Variants in REV1 observed in about 807,000 individuals in gnomAD.
REV1 encodes translesion synthesis protein REV1.
Under a neutral mutation model 137.4 loss-of-function variants are expected in REV1, and 42 were observed. That is an observed-to-expected ratio of 0.31 (90% CI 0.24 to 0.40). The LOEUF (loss-of-function observed/expected upper bound fraction) is 0.40. REV1 is among the 10% of genes least tolerant of loss of function. The pLI, the probability that REV1 is intolerant of heterozygous loss-of-function variation, is 1.00. For missense variants in REV1, 1,282 were observed against 1,490.1 expected (o/e 0.86, Z 2.30); for synonymous variants, 524 against 519.2 (o/e 1.01, Z -0.12).
rs1478369914 is a variant in REV1, at chr2:99,402,726, T to G, written c.3459A>C (p.Arg1153Ser). 1 of 1,613,890 alleles carries G rather than the reference T, an allele frequency of 6.2e-7. No individual in the cohort carries two copies. Among genetic ancestry groups the G allele is most frequent in the Non-Finnish European group, 8.5e-7 (1 of 1,179,958 alleles). ...SLQSDPAGCVRPPAPNLAGAV... is the reference protein window; with the variant it reads ...SLQSDPAGCVSPPAPNLAGAV... ...CTCCAGCTAGATTGGGTGCTGGAGG[T>G]CTCACACAGCCAGCTGGGTCAGACT... Residue 1153 changes from arginine (R) to serine (S), a missense_variant, in exon 21 of 23, where the codon AGA becomes AGC. Physicochemically the swap from Arg to Ser is moderately radical, Grantham distance 110 (BLOSUM62 -1). Around this residue, in one of 7 missense-constraint regions of REV1, gnomAD observed 170 missense variants for 156.8 expected, o/e 1.08. Coordinates refer to ENST00000258428, the MANE Select transcript of REV1 (RefSeq NM_016316.4).
intron 1 of REV1, among the ~76,000 whole-genome samples, chr2:99,466,743 C>T (rs1038455511): frequency 2.0e-5 from 3 of 152,056 alleles, no homozygotes; most frequent in African/African-American, 4.8e-5. Flanking sequence ...CAAGGTGCTC[C>T]GAGAAAAGGT....
intron 1 of REV1, among the ~76,000 whole-genome samples, chr2:99,477,030 G>A (rs1686054156): frequency 6.6e-6 from 1 of 152,046 alleles, no homozygotes. Context: ...CCTAAGGATG[G>A]TGTGGATCCC....
intron 11 of REV1, 125 bp from the exon 12 acceptor site, chr2:99,419,072 C>G (rs142785236): frequency 1.2e-6 from 1 of 814,980 alleles, no homozygotes; most frequent in East Asian, 2.6e-5. Flanking sequence ...TTGATTATTT[C>G]AAATAAGGTG....
chr2:99,471,380 T>C (rs1231909920), intron 1 of REV1, among the ~76,000 whole-genome samples: 2 of 152,110 alleles, frequency 1.3e-5, no homozygotes, highest in Non-Finnish European at 1.5e-5. Flanking sequence ...GAAAACTGGA[T>C]ATCACATGCA....
intron 17 of REV1, 112 bp from the exon 18 acceptor site, chr2:99,404,789 T>A: frequency 1.3e-6 from 1 of 773,892 alleles, no homozygotes; most frequent in Non-Finnish European, 2.1e-6. Flanking sequence ...ATAATCAATG[T>A]AAGGTACAGA....
intron 12 of REV1, 29 bp downstream of exon 12, chr2:99,418,799 A>T (rs768166165): frequency 1.3e-6 from 2 of 1,595,218 alleles, no homozygotes; most frequent in Non-Finnish European, 1.7e-6. Context: ...TGCCTGTAAT[A>T]AAAGTATTGT....
intron 12 of REV1, among the ~76,000 whole-genome samples, chr2:99,413,857 G>A (rs149541873): frequency 6.6e-4 from 100 of 152,286 alleles, no homozygotes; most frequent in African/African-American, 2.3e-3. Context: ...TTGTGTTTCT[G>A]GTCTTCTGTA....
intron 21 of REV1, 60 bp downstream of exon 21, chr2:99,402,584 T>C (rs1307880149): frequency 6.6e-7 from 1 of 1,506,544 alleles, no homozygotes; most frequent in African/African-American, 1.4e-5. Flanking sequence ...CTGTTTATGT[T>C]CTCAAATCAT....
chr2:99,483,034 A>AT (rs57090260), intron 1 of REV1, among the ~76,000 whole-genome samples: 10 of 132,868 alleles, frequency 7.5e-5, no homozygotes, highest in African/African-American at 1.6e-4. Flanking sequence ...AAAAAAAAAA[A>AT]TTTTTTTTTT....
intron 1 of REV1, among the ~76,000 whole-genome samples, chr2:99,479,157 G>A (rs554244393): frequency 1.3e-5 from 2 of 151,674 alleles, no homozygotes; most frequent in African/African-American, 2.4e-5. Flanking sequence ...GTGAAATCCC[G>A]TCTCTACTAA....
intron 9 of REV1, among the ~76,000 whole-genome samples, chr2:99,425,909 G>C (rs563052134): frequency 6.6e-6 from 1 of 152,202 alleles, no homozygotes; most frequent in African/African-American, 2.4e-5. Context: ...GGTGGCGCAT[G>C]CCTGTAATCC....
At chr2:99,462,945 G>A (rs1000147496) in intron 2 of REV1, among the ~76,000 whole-genome samples, 11 of 151,844 alleles carry the variant, frequency 7.2e-5, no homozygotes, top group African/African-American at 2.2e-4. Context: ...AAAATTAGCC[G>A]GGTGCAGTGC....
intron 22 of REV1, 149 bp from the exon 23 acceptor site, chr2:99,401,501 C>G: frequency 2.0e-6 from 1 of 502,832 alleles, no homozygotes; most frequent in South Asian, 2.8e-5. Flanking sequence ...AATCCCAGCA[C>G]TTTGGGAGGC....
chr2:99,463,114 A>T (rs1684415613), intron 2 of REV1, among the ~76,000 whole-genome samples: 1 of 152,082 alleles, frequency 6.6e-6, no homozygotes, highest in African/African-American at 2.4e-5. Flanking sequence ...AAATAAATAT[A>T]AATACATAAA....
intron 1 of REV1, among the ~76,000 whole-genome samples, chr2:99,476,428 C>A (rs951805800): frequency 2.0e-5 from 3 of 152,002 alleles, no homozygotes; most frequent in Admixed American, 6.5e-5. Flanking sequence ...TGGTGGCACA[C>A]GCCGGTAATC....
chr2:99,468,175 C>T (rs1032759846), intron 1 of REV1, among the ~76,000 whole-genome samples: 1 of 109,420 alleles, frequency 9.1e-6, no homozygotes, highest in African/African-American at 4.0e-5. Flanking sequence ...AGCGAAACTC[C>T]ATCTCAAAAA....
chr2:99,467,263 A>T (rs529521023), intron 1 of REV1, among the ~76,000 whole-genome samples: 79 of 147,524 alleles, frequency 5.4e-4, no homozygotes, highest in African/African-American at 1.8e-3. Flanking sequence ...AACAAAAATT[A>T]AAAAAAAAAA....
chr2:99,435,584 C>T (rs1680638493), intron 7 of REV1: 1 of 270,570 alleles, frequency 3.7e-6, no homozygotes, highest in Non-Finnish European at 6.8e-6. Context: ...CAATACAGAT[C>T]CTGCCTACAT....
At chr2:99,473,765 C>A (rs1375894607) in intron 1 of REV1, among the ~76,000 whole-genome samples, 1 of 152,170 alleles carries the variant, frequency 6.6e-6, no homozygotes, top group Non-Finnish European at 1.5e-5. Context: ...GAACTTCAAT[C>A]TATCAAAGTG....
Sources: allele counts gnomAD v4.1 joint callset (sites outside exome capture counted in the v4.1 genomes callset), GRCh38; gene constraint gnomAD v4.1.1; regional missense constraint gnomAD v4.1.1; transcripts MANE v1.5; gene names NCBI Gene and HGNC (gene_info 2026-07-23, HGNC 2026-07-21).